Variants in IKZF2 observed in about 807,000 individuals in gnomAD.
IKZF2 encodes the protein IKAROS family zinc finger 2, also known as zinc finger protein Helios.
IKZF2 carries 15 observed loss-of-function variants against 49.2 expected under a neutral mutation model. The observed-to-expected ratio is 0.30, with a 90% CI of 0.20 to 0.47. The LOEUF (loss-of-function observed/expected upper bound fraction) is 0.47. Ranked by LOEUF, IKZF2 falls within the 20% of genes least tolerant of loss-of-function variation. The pLI is 1.00. For missense variants in IKZF2, 567 were observed against 664.6 expected, an observed-to-expected ratio of 0.85 and a Z score of 1.61; for synonymous variants, 227 against 221.4, an observed-to-expected ratio of 1.03 and a Z score of -0.23.
chr2:213,074,638 C>T (rs1703064445), intron 4 of IKZF2, among the ~76,000 whole-genome samples: 1 of 152,108 alleles, frequency 6.6e-6, no homozygotes, highest in African/African-American at 2.4e-5. Context: ...TGCTTACATA[C>T]ATATTTTTTA....
At position 213,008,022 on chromosome 2, in the gene IKZF2, T is replaced by C; in HGVS notation, c.919A>G (p.Lys307Glu). The change falls in exon 9 of 9, where the codon AAG becomes GAG. Residue 307 changes from lysine to glutamate, a missense_variant. By Grantham distance (56) the Lys-to-Glu change is moderately conservative. This residue lies in a region of IKZF2 where 310 missense variants were observed against 326.9 expected (regional missense o/e 0.95). Coordinates refer to ENST00000434687, the MANE Select transcript of IKZF2 (RefSeq NM_001387220.1). ...IHFDMNLTYE[K>E]EAELMQSHMM... is the part of the protein sequence containing the mutation. ...TGAGACTGCATCAGCTCAGCCTCCT[T>C]CTCATATGTTAAGTTCATATCAAAG... The C allele has an allele frequency of 6.2e-7, 1 of 1,613,194 alleles. No homozygotes were observed. The highest frequency in any genetic ancestry group is 8.5e-7 in the Non-Finnish European group (1 of 1,179,614).
chr2:213,143,509 C>G (rs2125966715), intron 4 of IKZF2, among the ~76,000 whole-genome samples: 1 of 151,744 alleles, frequency 6.6e-6, no homozygotes, highest in Middle Eastern at 3.4e-3. Flanking sequence ...ATAGTTATGA[C>G]ATTTATCTCT....
Position 213,047,407 on chromosome 2 carries a change from C to G in IKZF2, c.574+2306G>C, listed in dbSNP as rs1454987507. On this transcript the variant is annotated intron_variant, in intron 6 of 8. Transcript: ENST00000434687. The stretch of plus-strand genomic sequence containing the variant: ...TGTTCTACAGGATATTATATATGGC[C>G]AACATCATCTCCTCCATAGCCAGAA... Among the ~76,000 whole-genome samples, 3 of 152,132 alleles carry G rather than the reference C, an allele frequency of 2.0e-5. No homozygotes were observed. The East Asian group carries it at 5.8e-4, about 29-fold the overall frequency.
intron 4 of IKZF2, among the ~76,000 whole-genome samples, chr2:213,146,911 C>T (rs887565690): frequency 6.6e-6 from 1 of 151,834 alleles, no homozygotes; most frequent in East Asian, 1.9e-4. Context: ...AACAAGATTT[C>T]AAATTACTTT....
intron 5 of IKZF2, among the ~76,000 whole-genome samples, chr2:213,055,172 T>C (rs913013617): frequency 6.6e-5 from 10 of 152,216 alleles, no homozygotes; most frequent in East Asian, 1.9e-4. Context: ...TTTTACTAGA[T>C]AGGAGAAGTT....
At chr2:213,089,393 G>A (rs1481764955) in intron 4 of IKZF2, among the ~76,000 whole-genome samples, 1 of 151,944 alleles carries the variant, frequency 6.6e-6, no homozygotes, top group Non-Finnish European at 1.5e-5. Flanking sequence ...CTCCTCACAG[G>A]GCACCTTGCT....
At chr2:213,068,077 T>C (rs946564392) in intron 4 of IKZF2, among the ~76,000 whole-genome samples, 7 of 152,112 alleles carry the variant, frequency 4.6e-5, no homozygotes, top group Middle Eastern at 6.3e-3. Flanking sequence ...AACTAAAGTA[T>C]GTGAAACATA....
chr2:213,136,347 G>T (rs1225632225), intron 4 of IKZF2, among the ~76,000 whole-genome samples: 1 of 133,444 alleles, frequency 7.5e-6, no homozygotes, highest in Non-Finnish European at 1.5e-5. Context: ...CTCCAGCCTG[G>T]GTGACAGAGC....
chr2:213,104,393 C>T (rs1176722017), intron 4 of IKZF2, among the ~76,000 whole-genome samples: 1 of 152,150 alleles, frequency 6.6e-6, no homozygotes, highest in Non-Finnish European at 1.5e-5. Context: ...TCCTAACTCG[C>T]CTATGTTCCC....
rs567930788 is a variant in IKZF2 at position 213,097,139 on chromosome 2, T to C, written c.140-40040A>G. ...AAATCAAGGCTAATGGCATGCAGTT[T>C]AATGAGATAATTAATTAGCTTTTTA... On this transcript the variant is annotated intron_variant, in intron 4 of 8. Transcript: ENST00000434687. 9.2e-5 allele frequency among the ~76,000 whole-genome samples: 14 copies of C among 152,038 alleles called. No individual in the cohort carries two copies. The South Asian group carries it at 2.9e-3, about 32-fold the overall frequency.
At chr2:213,076,072 A>G (rs1048136103) in intron 4 of IKZF2, among the ~76,000 whole-genome samples, 1 of 152,172 alleles carries the variant, frequency 6.6e-6, no homozygotes, top group Admixed American at 6.5e-5. Flanking sequence ...GTAAAAAAAC[A>G]AATAATGTTT....
Position 213,000,558 on chromosome 2 carries a change from T to C in IKZF2, c.*6802A>G, listed in dbSNP as rs1694809996. On this transcript the variant is annotated 3_prime_UTR_variant, in exon 9 of 9. Transcript: ENST00000434687. ...CTTTTAACAAAACATGTATTTATAT[T>C]ACAGCAGTTTTACTACAGGGACACA... 1 of 151,854 alleles carries C rather than the reference T, an allele frequency of 6.6e-6. No individual in the cohort carries two copies. The highest frequency in any genetic ancestry group is 1.5e-5 in the Non-Finnish European group (1 of 67,602). 9.4% of individuals were successfully genotyped at this position (151,854 alleles called of 1,614,324 possible).
At chr2:213,022,249 T>G in intron 6 of IKZF2, 119 bp from the exon 7 acceptor site, 60 of 941,966 alleles carry the variant, frequency 6.4e-5, no homozygotes, top group Non-Finnish European at 8.7e-5. Context: ...CTTAAATCTC[T>G]TCCTCCTTTA....
intron 6 of IKZF2, among the ~76,000 whole-genome samples, chr2:213,028,080 A>T (rs1698008663): frequency 6.6e-6 from 1 of 152,178 alleles, no homozygotes; most frequent in African/African-American, 2.4e-5. Flanking sequence ...TATATATGGC[A>T]TAAGAGTCTT....
At chr2:213,087,773 T>C (rs1282142060) in intron 4 of IKZF2, among the ~76,000 whole-genome samples, 1 of 152,174 alleles carries the variant, frequency 6.6e-6, no homozygotes, top group East Asian at 1.9e-4. Context: ...GTCCTTGCGA[T>C]AGTTTGCTCA....
intron 6 of IKZF2, among the ~76,000 whole-genome samples, chr2:213,033,458 T>C (rs1466845997): frequency 6.6e-6 from 1 of 152,234 alleles, no homozygotes; most frequent in Non-Finnish European, 1.5e-5. Flanking sequence ...TCTAGCCTTA[T>C]AAAATGTATG....
Position 213,029,602 on chromosome 2 carries a change from C to G in IKZF2, c.575-7472G>C, listed in dbSNP as rs1303917691. On this transcript the variant is annotated intron_variant, in intron 6 of 8. Transcript: ENST00000434687. ...TTCTCATATAATCAGTCTTCGATTT[C>G]ACTTACTAATGGTATGCCCAACAAG... 2.6e-5 allele frequency among the ~76,000 whole-genome samples: 4 copies of G among 152,060 alleles called. No individual in the cohort carries two copies. In the South Asian group the frequency reaches 6.2e-4, roughly 24 times the overall value.
At position 213,147,742 on chromosome 2, in the gene IKZF2, A is replaced by C; in HGVS notation, c.105T>G (p.Asn35Lys). 1 of 1,614,046 alleles carries C rather than the reference A, an allele frequency of 6.2e-7. No individual in the cohort carries two copies. The change falls in exon 4 of 9, where the codon AAT becomes AAG. Residue 35 changes from asparagine to lysine, a missense_variant. Transcript: ENST00000434687. ...TGTGACTTGGTGAGGCATGCTGTCC[A>C]TTGGGTGTGCTTGAGGTGAGGTCAA... ...MAIDLTSSTPNGQHASPSHMT... is the reference protein window; with the variant it reads ...MAIDLTSSTPKGQHASPSHMT...
At chr2:213,107,279 C>G (rs1373977781) in intron 4 of IKZF2, among the ~76,000 whole-genome samples, 1 of 152,146 alleles carries the variant, frequency 6.6e-6, no homozygotes, top group Non-Finnish European at 1.5e-5. Flanking sequence ...GCAAGACAAA[C>G]AAAGAATTAT....
Sources: gnomAD v4.1 joint callset for allele counts (sites outside exome capture counted in the v4.1 genomes callset) on GRCh38, gnomAD v4.1.1 for gene constraint, gnomAD v4.1.1 regional missense constraint, MANE v1.5 for transcripts, NCBI Gene and HGNC (gene_info 2026-07-23, HGNC 2026-07-21) for gene names.